The following CTCF variants were observed in gnomAD, a reference collection of about 807,000 sequenced individuals.
The protein encoded by CTCF is CCCTC-binding factor.
CTCF carries 7 observed loss-of-function variants against 72.3 expected under a neutral mutation model. The ratio of observed to expected loss-of-function variants is 0.10; its 90% CI spans 0.06 to 0.18. CTCF has a LOEUF of 0.18. Ranked by LOEUF, CTCF falls within the 10% of genes least tolerant of loss-of-function variation. The pLI is 1.00. For synonymous variants in CTCF, 374 were observed against 315.8 expected (o/e 1.18, Z -1.95); for missense variants, 516 against 949.1 (o/e 0.54, Z 6.00).
At chr16:67,563,103 G>A (rs967686847) in intron 1 of CTCF, among the ~76,000 whole-genome samples, 4 of 151,840 alleles carry the variant, frequency 2.6e-5, no homozygotes, top group Non-Finnish European at 5.9e-5. Context: ...TGTGTCCTCC[G>A]CCCCTCCCGC....
intron 2 of CTCF, among the ~76,000 whole-genome samples, chr16:67,578,821 G>A (rs998461028): frequency 1.2e-4 from 18 of 151,666 alleles, no homozygotes; most frequent in African/African-American, 4.1e-4. Flanking sequence ...GGTGGCAGGC[G>A]CCTGTAATCT....
intron 7 of CTCF, among the ~76,000 whole-genome samples, chr16:67,623,040 C>A (rs2052225642): frequency 6.6e-6 from 1 of 151,732 alleles, no homozygotes; most frequent in Non-Finnish European, 1.5e-5. Context: ...CTGTTCACTG[C>A]AACCTCCGCC....
chr16:67,574,176 C>T (rs1249727710), intron 2 of CTCF, among the ~76,000 whole-genome samples: 1 of 152,108 alleles, frequency 6.6e-6, no homozygotes, highest in East Asian at 1.9e-4. Context: ...CCCATAAGAC[C>T]ACCTGTCCTT....
intron 2 of CTCF, among the ~76,000 whole-genome samples, chr16:67,582,771 G>T (rs1567595771): frequency 6.6e-6 from 1 of 151,908 alleles, no homozygotes; most frequent in East Asian, 1.9e-4. Context: ...TAGACTTTGA[G>T]ATTTTTTTTT....
intron 7 of CTCF, among the ~76,000 whole-genome samples, chr16:67,622,149 G>A (rs551075419): frequency 7.8e-4 from 119 of 152,166 alleles, no homozygotes; most frequent in South Asian, 4.6e-3. Context: ...GAGGTCAGGC[G>A]ATCGAGACCA....
intron 4 of CTCF, among the ~76,000 whole-genome samples, chr16:67,613,448 G>A (rs2052087021): frequency 6.6e-6 from 1 of 152,158 alleles, no homozygotes; most frequent in Non-Finnish European, 1.5e-5. Flanking sequence ...TCAGACACTT[G>A]ATAATATGTT....
At chr16:67,620,373 G>C (rs2052185288) in intron 5 of CTCF, among the ~76,000 whole-genome samples, 1 of 151,928 alleles carries the variant, frequency 6.6e-6, no homozygotes, top group African/African-American at 2.4e-5. Flanking sequence ...GCTAATTTTT[G>C]TATTGTTAGT....
intron 10 of CTCF, among the ~76,000 whole-genome samples, chr16:67,631,154 G>GTTTGTTTTTTT (rs2052357243): frequency 8.0e-6 from 1 of 125,020 alleles, no homozygotes; most frequent in African/African-American, 3.4e-5. Flanking sequence ...TTCTTTGTTT[G>GTTTGTTTTTTT]TTTTTTTTTT....
intron 1 of CTCF, chr16:67,563,324 T>C (rs1040553378): frequency 1.3e-5 from 2 of 152,206 alleles, no homozygotes; most frequent in African/African-American, 4.8e-5. Context: ...TCCCAGCTGC[T>C]TGGCTGCTCG....
intron 2 of CTCF, among the ~76,000 whole-genome samples, chr16:67,598,799 C>A (rs978526530): frequency 2.0e-5 from 3 of 152,178 alleles, no homozygotes; most frequent in Non-Finnish European, 2.9e-5. Context: ...GGGATAAAGC[C>A]TAGACTAGAA....
chr16:67,579,964 A>G (rs1235655299), intron 2 of CTCF, among the ~76,000 whole-genome samples: 2 of 152,136 alleles, frequency 1.3e-5, no homozygotes, highest in Non-Finnish European at 2.9e-5. Flanking sequence ...AGGCCATGTG[A>G]AAGAGTTTGG....
rs555060332 is a variant in CTCF, at chr16:67,589,247, C to T, written c.-10+17983C>T. ...AGGAGTTCAAGGCTGTGGCAAGCTA[C>T]GATTACACTACTGCGCTCACTCCAG... is the stretch of plus-strand genomic sequence containing the variant. On this transcript the variant is annotated intron_variant, in intron 2 of 11. Transcript: ENST00000264010. Among the ~76,000 whole-genome samples the T allele has an allele frequency of 3.9e-5, 6 of 152,160 alleles. No homozygotes were observed. The South Asian group carries it at 6.2e-4, about 16-fold the overall frequency.
chr16:67,597,579 C>T (rs1373030701), intron 2 of CTCF, among the ~76,000 whole-genome samples: 1 of 152,086 alleles, frequency 6.6e-6, no homozygotes, highest in Non-Finnish European at 1.5e-5. Flanking sequence ...CCTTATTATC[C>T]ACCCGCCTTG....
intron 1 of CTCF, among the ~76,000 whole-genome samples, chr16:67,570,493 G>C (rs2051401452): frequency 6.6e-6 from 1 of 151,726 alleles, no homozygotes; most frequent in South Asian, 2.1e-4. Context: ...CTGTCGCCCA[G>C]GCTGGAGTGC....
chr16:67,579,521 G>A (rs2051551227), intron 2 of CTCF, among the ~76,000 whole-genome samples: 1 of 151,834 alleles, frequency 6.6e-6, no homozygotes, highest in Non-Finnish European at 1.5e-5. Flanking sequence ...ACCATGCCCG[G>A]CTAATTTTTG....
At position 67,611,430 on chromosome 16, in the gene CTCF, C is replaced by G. The variant is rs761761096; in HGVS notation, c.598C>G (p.Pro200Ala). 6.2e-7 allele frequency: 1 copy of G among 1,613,976 alleles called. No homozygotes were observed. Among genetic ancestry groups the G allele is most frequent in the Non-Finnish European group, 8.5e-7 (1 of 1,180,008 alleles). ...SWQKDPDYQP[P>A]AKKTKKTKKS... Reference sequence around the variant, plus strand: ...GCAAAAAGACCCAGACTATCAGCCACCAGCCAAAAAAACAAAGAAAACCAA... The same window carrying G: ...GCAAAAAGACCCAGACTATCAGCCAGCAGCCAAAAAAACAAAGAAAACCAA... The change falls in exon 3 of 12, where the codon CCA becomes GCA. Residue 200 changes from proline to alanine, a missense_variant. Transcript: ENST00000264010.
At chr16:67,584,956 A>G (rs1332064317) in intron 2 of CTCF, among the ~76,000 whole-genome samples, 3 of 152,208 alleles carry the variant, frequency 2.0e-5, no homozygotes, top group African/African-American at 4.8e-5. Context: ...CTTTTGACAG[A>G]AAAACATGCA....
intron 1 of CTCF, among the ~76,000 whole-genome samples, chr16:67,565,402 C>A (rs1597670991): frequency 6.6e-6 from 1 of 151,088 alleles, no homozygotes; most frequent in East Asian, 2.0e-4. Context: ...TGGCTGGGAG[C>A]GGTGGCTCAC....
chr16:67,589,430 C>A (rs2051709683), intron 2 of CTCF, among the ~76,000 whole-genome samples: 1 of 152,150 alleles, frequency 6.6e-6, no homozygotes, highest in African/African-American at 2.4e-5. Flanking sequence ...TACCGTTCAC[C>A]TGTTCTGTAG....
Sources: gnomAD v4.1 joint callset for allele counts (sites outside exome capture counted in the v4.1 genomes callset) on GRCh38, gnomAD v4.1.1 for gene constraint, MANE v1.5 for transcripts, NCBI Gene and HGNC (gene_info 2026-07-23, HGNC 2026-07-21) for gene names.